The following LYST variants were observed in gnomAD, a reference collection of about 807,000 sequenced individuals.
LYST encodes lysosomal trafficking regulator, also known as lysosomal-trafficking regulator.
Under a neutral mutation model 413.6 loss-of-function variants are expected in LYST, and 192 were observed. That is an observed-to-expected ratio of 0.46 (90% confidence interval 0.41 to 0.52). LYST has a LOEUF of 0.52. Among genes scored for constraint, LYST ranks in the 20% least tolerant of loss-of-function variants. The probability of loss-of-function intolerance (pLI) is 0.00; values close to 1 mark genes in which losing one functional copy is unlikely to be tolerated. For missense variants in LYST, 3,815 were observed against 4,499.9 expected (o/e 0.85, Z 4.35); for synonymous variants, 1,525 against 1,567.3 (o/e 0.97, Z 0.64).
chr1:235,862,800 CA>C (rs1680035545), intron 1 of LYST, among the ~76,000 whole-genome samples: 1 of 105,326 alleles, frequency 9.5e-6, no homozygotes, highest in African/African-American at 3.9e-5. Context: ...CATCTCAAAA[CA>C]AACAAACACA....
At chr1:235,823,684 G>T (rs1438226861) in intron 3 of LYST, among the ~76,000 whole-genome samples, 1 of 152,186 alleles carries the variant, frequency 6.6e-6, no homozygotes, top group Non-Finnish European at 1.5e-5. Flanking sequence ...GTAGTTCATT[G>T]AATGTGCTGT....
chr1:235,738,549 A>G (rs760174550), intron 31 of LYST: 3 of 1,611,432 alleles, frequency 1.9e-6, no homozygotes, highest in Non-Finnish European at 2.5e-6. Flanking sequence ...TCACACATTA[A>G]GCTGTCATGG....
chr1:235,852,439 T>G (rs774405035), intron 1 of LYST, among the ~76,000 whole-genome samples: 12 of 152,216 alleles, frequency 7.9e-5, no homozygotes, highest in Non-Finnish European at 1.6e-4. Context: ...GTAAGCCAGT[T>G]AGACATGTTG....
At chr1:235,803,771 C>T (rs12090460) in intron 7 of LYST, among the ~76,000 whole-genome samples, 5,636 of 152,042 alleles carry the variant, frequency 0.037, 348 homozygotes, top group African/African-American at 0.13. Flanking sequence ...ATATGATGAA[C>T]GTATTCATAG....
intron 11 of LYST, 51 bp from the exon 12 acceptor site, chr1:235,792,176 A>T: frequency 8.4e-7 from 1 of 1,193,702 alleles, no homozygotes; most frequent in Non-Finnish European, 1.2e-6. Context: ...AATAAAGTAC[A>T]TAATAATCTT....
Position 235,806,229 on chromosome 1 carries a change from C to G in LYST, c.2907G>C (p.Trp969Cys). ...GGAACACTGAACTCAACATGTAGATCCAACGACACATAGACCAAATGTCTG... is the reference window on the plus strand; with the variant it reads ...GGAACACTGAACTCAACATGTAGATGCAACGACACATAGACCAAATGTCTG... ...QAADIWSMCR[W>C]IYMLSSVFQK... Residue 969 changes from tryptophan (W) to cysteine (C), a missense_variant, in exon 6 of 53, where the codon TGG becomes TGC. By Grantham distance (215) the Trp-to-Cys change is radical. Transcript: ENST00000389793. 6.2e-7 allele frequency: 1 copy of G among 1,613,980 alleles called. No homozygotes were observed. The highest frequency in any genetic ancestry group is 8.5e-7 in the Non-Finnish European group (1 of 1,179,986).
chr1:235,696,148 C>A (rs1661085481), intron 46 of LYST, among the ~76,000 whole-genome samples: 1 of 152,192 alleles, frequency 6.6e-6, no homozygotes, highest in Non-Finnish European at 1.5e-5. Flanking sequence ...TTATTTCTAA[C>A]AACTATAAAA....
chr1:235,672,772 T>C (rs529005148), intron 50 of LYST, among the ~76,000 whole-genome samples: 23 of 152,328 alleles, frequency 1.5e-4, no homozygotes, highest in African/African-American at 5.3e-4. Context: ...GAGTCTGAAC[T>C]GCTCACTAGA....
intron 21 of LYST, among the ~76,000 whole-genome samples, chr1:235,763,140 TTA>T (rs1457273095): frequency 6.6e-6 from 1 of 152,210 alleles, no homozygotes; most frequent in Non-Finnish European, 1.5e-5. Flanking sequence ...CTATTCACTT[TTA>T]TATGTTATTA....
At chr1:235,706,938 T>C (rs1029582668) in intron 44 of LYST, among the ~76,000 whole-genome samples, 1 of 152,248 alleles carries the variant, frequency 6.6e-6, no homozygotes, top group Non-Finnish European at 1.5e-5. Flanking sequence ...AGCTCAGATA[T>C]GGAGTGGTCT....
intron 50 of LYST, among the ~76,000 whole-genome samples, chr1:235,667,827 T>C (rs563362095): frequency 6.6e-6 from 1 of 152,228 alleles, no homozygotes; most frequent in South Asian, 2.1e-4. Context: ...CATGTCTGGC[T>C]AAATTTTTGA....
At chr1:235,800,473 G>A (rs1672089825) in intron 9 of LYST, 87 bp from the exon 10 acceptor site, 7 of 775,312 alleles carry the variant, frequency 9.0e-6, no homozygotes, top group Admixed American at 1.8e-5. Flanking sequence ...TCTATGATAG[G>A]GTATCTACTA....
At chr1:235,703,436 T>C (rs1661710359) in intron 44 of LYST, among the ~76,000 whole-genome samples, 1 of 152,212 alleles carries the variant, frequency 6.6e-6, no homozygotes, top group East Asian at 1.9e-4. Context: ...AAGGGTATTA[T>C]TGTACTAATA....
chr1:235,718,190 A>AG (rs1281435727), intron 40 of LYST, among the ~76,000 whole-genome samples: 10 of 124,312 alleles, frequency 8.0e-5, no homozygotes, highest in African/African-American at 2.6e-4. Flanking sequence ...TAGTATAAAT[A>AG]GGGGTTTTTT....
chr1:235,723,659 T>C (rs1663593837), intron 39 of LYST, among the ~76,000 whole-genome samples: 1 of 152,176 alleles, frequency 6.6e-6, no homozygotes, highest in Non-Finnish European at 1.5e-5. Flanking sequence ...GAAGTCTGTC[T>C]GAAGCATTTC....
chr1:235,813,538 A>G (rs1572348583), intron 3 of LYST, among the ~76,000 whole-genome samples: 1 of 152,254 alleles, frequency 6.6e-6, no homozygotes, highest in East Asian at 1.9e-4. Flanking sequence ...AAGACTTATT[A>G]GTGAATGTAA....
At chr1:235,863,386 T>C (rs1317202286) in intron 1 of LYST, among the ~76,000 whole-genome samples, 1 of 151,658 alleles carries the variant, frequency 6.6e-6, no homozygotes, top group Non-Finnish European at 1.5e-5. Context: ...AGCGAGACTC[T>C]GTCTCCACGG....
At position 235,686,589 on chromosome 1, in the gene LYST, G is replaced by A. The variant is rs754315760; in HGVS notation, c.10800+360C>T. Among the ~76,000 whole-genome samples the A allele has an allele frequency of 9.2e-5, 14 of 152,124 alleles. 1 individual carries two copies. Among genetic ancestry groups the A allele is most frequent in the Non-Finnish European group, 1.8e-4 (12 of 68,032 alleles). On this transcript the variant is annotated intron_variant, in intron 48 of 52. Transcript: ENST00000389793. This position sits in a 1 kb window ranked among gnomAD's most constrained non-coding sequence, Gnocchi z 4.0. ...TCACTTAGTTTACCCAGAGGTTATC[G>A]GAATGTTGGACATTAGGGTTTCTAA... is the stretch of plus-strand genomic sequence containing the variant.
chr1:235,859,836 G>A (rs1335969457), intron 1 of LYST, among the ~76,000 whole-genome samples: 1 of 151,976 alleles, frequency 6.6e-6, no homozygotes, highest in Non-Finnish European at 1.5e-5. Context: ...ATGTTGTCAG[G>A]GTTAAATAAA....
Sources: allele counts gnomAD v4.1 joint callset (sites outside exome capture counted in the v4.1 genomes callset), GRCh38; gene constraint gnomAD v4.1.1; non-coding constraint Gnocchi (gnomAD v3.1); transcripts MANE v1.5; gene names NCBI Gene and HGNC (gene_info 2026-07-23, HGNC 2026-07-21).